RANBP2: variants seen among roughly 807,000 people sequenced by gnomAD.
RANBP2 encodes the protein RAN binding protein 2.
In RANBP2, 57 loss-of-function variants were observed where a neutral mutation model predicts 303.6. The observed-to-expected ratio is 0.19, with a 90% CI of 0.15 to 0.23. The LOEUF (loss-of-function observed/expected upper bound fraction) is 0.23. Ranked by LOEUF, RANBP2 falls within the 10% of genes least tolerant of loss-of-function variation. The pLI is 1.00. For synonymous variants in RANBP2, 1,167 were observed against 1,301.5 expected (o/e 0.90, Z 2.23); for missense variants, 3,138 against 3,780.8 (o/e 0.83, Z 4.46).
chr2:108,874,920 G>A, the RANBP2 span, among the ~76,000 whole-genome samples: 1 of 75,798 alleles, frequency 1.3e-5, no homozygotes, highest in Non-Finnish European at 3.5e-5. Flanking sequence ...TTAATTCATG[G>A]GATTTTTTTT....
the RANBP2 span, among the ~76,000 whole-genome samples, chr2:108,917,001 T>C: frequency 2.0e-5 from 3 of 152,178 alleles, no homozygotes; most frequent in East Asian, 1.9e-4. Context: ...TTCCTGACAA[T>C]GGGCCTCTTC....
chr2:108,765,532 A>G lies in RANBP2; in HGVS notation c.4993A>G (p.Lys1665Glu), dbSNP rs770727082. The change falls in exon 20 of 29, where the codon AAG (lysine) becomes GAG (glutamate). Residue 1665 changes from lysine to glutamate, a missense_variant. Around this residue, in one of 20 missense-constraint regions of RANBP2, gnomAD observed 51 missense variants for 112.1 expected, o/e 0.45. Transcript: ENST00000283195. ...KSGFEGMFTKKEGQWDCSVCL... is the reference protein window; with the variant it reads ...KSGFEGMFTKEEGQWDCSVCL... ...CGGATTTGAGGGAATGTTCACTAAG[A>G]AGGAGGGACAGTGGGATTGCAGTGT... 8.3e-6 allele frequency: 13 copies of G among 1,563,868 alleles called. No individual in the cohort carries two copies. In the African/African-American group the frequency reaches 1.9e-4, roughly 22 times the overall value.
chr2:109,427,000 G>A, the RANBP2 span, among the ~76,000 whole-genome samples: 61,874 of 151,210 alleles, frequency 0.41, 13,013 homozygotes, highest in Admixed American at 0.47. Flanking sequence ...GACGAGTCTC[G>A]CTCTGTCACC....
At chr2:109,626,189 C>T in the RANBP2 span, among the ~76,000 whole-genome samples, 2 of 152,022 alleles carry the variant, frequency 1.3e-5, no homozygotes, top group Admixed American at 6.6e-5. Context: ...TCCAAATGCC[C>T]CTGAGAAGGG....
At chr2:108,934,799 C>A in the RANBP2 span, among the ~76,000 whole-genome samples, 1 of 152,230 alleles carries the variant, frequency 6.6e-6, no homozygotes, top group Non-Finnish European at 1.5e-5. Context: ...ACCTCCCCAC[C>A]TTTCAAACCT....
chr2:109,357,621 T>A, the RANBP2 span, among the ~76,000 whole-genome samples: 1 of 152,238 alleles, frequency 6.6e-6, no homozygotes, highest in Non-Finnish European at 1.5e-5. Context: ...CATCAAGGAA[T>A]CACGCAGGAT....
the RANBP2 span, among the ~76,000 whole-genome samples, chr2:109,367,431 G>A: frequency 2.6e-5 from 4 of 151,950 alleles, no homozygotes; most frequent in Non-Finnish European, 2.9e-5. Context: ...ACAGGCACAC[G>A]GCCTCATGCC....
the RANBP2 span, among the ~76,000 whole-genome samples, chr2:109,223,072 A>G: frequency 6.6e-6 from 1 of 152,240 alleles, no homozygotes. Flanking sequence ...AGAGGCTGGC[A>G]CCACGCCCTG....
chr2:109,138,111 G>A, the RANBP2 span, among the ~76,000 whole-genome samples: 1 of 152,214 alleles, frequency 6.6e-6, no homozygotes, highest in Non-Finnish European at 1.5e-5. Flanking sequence ...CGCCTCCAGG[G>A]TTCAAGCTAT....
At chr2:109,141,921 G>A in the RANBP2 span, among the ~76,000 whole-genome samples, 1 of 152,090 alleles carries the variant, frequency 6.6e-6, no homozygotes, top group Non-Finnish European at 1.5e-5. Flanking sequence ...AAGCTCTGCA[G>A]GTGGCAGGGC....
At chr2:109,539,732 C>T in the RANBP2 span, among the ~76,000 whole-genome samples, 16 of 152,304 alleles carry the variant, frequency 1.1e-4, no homozygotes, top group South Asian at 3.1e-3. Context: ...AGTGAGCCAC[C>T]GTGCCCGGCC....
chr2:108,906,725 C>T, the RANBP2 span, among the ~76,000 whole-genome samples: 1 of 152,222 alleles, frequency 6.6e-6, no homozygotes, highest in African/African-American at 2.4e-5. Context: ...GCTCCCATCC[C>T]GGATCACGTG....
chr2:109,028,000 T>C, the RANBP2 span, among the ~76,000 whole-genome samples: 1 of 152,158 alleles, frequency 6.6e-6, no homozygotes, highest in Admixed American at 6.5e-5. Context: ...CAGGGTGAGG[T>C]GGCTCACGCC....
chr2:109,440,610 G>C, the RANBP2 span, among the ~76,000 whole-genome samples: 1 of 152,204 alleles, frequency 6.6e-6, no homozygotes, highest in Admixed American at 6.5e-5. Context: ...TAAAACAACA[G>C]TTTTCAAGAC....
At chr2:109,335,967 CTG>C in the RANBP2 span, among the ~76,000 whole-genome samples, 1 of 152,138 alleles carries the variant, frequency 6.6e-6, no homozygotes, top group Non-Finnish European at 1.5e-5. Context: ...GTCGGTGAGA[CTG>C]ATAGCACGAT....
the RANBP2 span, among the ~76,000 whole-genome samples, chr2:109,069,140 A>AT: frequency 2.6e-5 from 4 of 152,238 alleles, no homozygotes; most frequent in Admixed American, 2.6e-4. Context: ...GTACTAATAA[A>AT]TTTTCTATCT....
chr2:109,662,231 C>T, the RANBP2 span, among the ~76,000 whole-genome samples: 4 of 152,160 alleles, frequency 2.6e-5, no homozygotes, highest in South Asian at 8.3e-4. Context: ...CAAGGTCAGA[C>T]CTGCATTGCA....
the RANBP2 span, among the ~76,000 whole-genome samples, chr2:109,510,461 T>A: frequency 6.6e-6 from 1 of 152,144 alleles, no homozygotes; most frequent in African/African-American, 2.4e-5. Context: ...CAGTCCGATG[T>A]GGAGGCCGAG....
At chr2:109,441,268 C>T in the RANBP2 span, among the ~76,000 whole-genome samples, 36 of 151,836 alleles carry the variant, frequency 2.4e-4, no homozygotes, top group Non-Finnish European at 4.7e-4. Context: ...TCAAAACTGA[C>T]CCCAAATTGA....
Sources: gnomAD v4.1 joint callset for allele counts (sites outside exome capture counted in the v4.1 genomes callset) on GRCh38, gnomAD v4.1.1 for gene constraint, gnomAD v4.1.1 regional missense constraint, MANE v1.5 for transcripts, NCBI Gene and HGNC (gene_info 2026-07-23, HGNC 2026-07-21) for gene names.